The following SMG1 variants were observed in gnomAD, a reference collection of about 807,000 sequenced individuals.
SMG1 encodes the protein SMG1 nonsense mediated mRNA decay associated PI3K related kinase, also known as serine/threonine-protein kinase SMG1.
SMG1 carries 22 observed loss-of-function variants against 419.9 expected under a neutral mutation model. The ratio of observed to expected loss-of-function variants is 0.05; its 90% CI spans 0.04 to 0.07. The LOEUF is 0.07. SMG1 is among the 10% of genes least tolerant of loss of function. The probability of loss-of-function intolerance (pLI) is 1.00; values close to 1 mark genes in which losing one functional copy is unlikely to be tolerated. For synonymous variants in SMG1, 1,538 were observed against 1,553.5 expected (o/e 0.99, Z 0.23); for missense variants, 3,185 against 4,342.0 (o/e 0.73, Z 7.49).
rs2141970039 is a variant in SMG1, at chr16:18,912,025, G to A, written c.92+13925C>T. Among the ~76,000 whole-genome samples the A allele has an allele frequency of 2.7e-5, 4 of 148,742 alleles. No homozygotes were observed. In the Middle Eastern group the frequency reaches 0.011, roughly 393 times the overall value. ...GAACCCGGGAGGTGGAGATTGCAGT[G>A]AGCCAAGATGGTGCCAACTGCACTC... On this transcript the variant is annotated intron_variant, in intron 1 of 62. Transcript: ENST00000446231.
At chr16:18,845,109 T>C (rs556685877) in intron 39 of SMG1, among the ~76,000 whole-genome samples, 1 of 152,286 alleles carries the variant, frequency 6.6e-6, no homozygotes, top group East Asian at 1.9e-4. Context: ...ATGAGGTAAA[T>C]AAAGCAGGCA....
intron 38 of SMG1, among the ~76,000 whole-genome samples, chr16:18,846,069 C>T (rs2034247282): frequency 6.6e-6 from 1 of 152,080 alleles, no homozygotes; most frequent in African/African-American, 2.4e-5. Context: ...CCGCCTCAGC[C>T]TCCCAAAGTG....
At chr16:18,916,312 G>A (rs187036560) in intron 1 of SMG1, among the ~76,000 whole-genome samples, 77 of 151,286 alleles carry the variant, frequency 5.1e-4, no homozygotes, top group Admixed American at 4.6e-3. Flanking sequence ...TCAGGAGATC[G>A]AGACCATCCT....
In SMG1 at chr16:18,833,240, C is replaced by T. The variant is rs1264127601; in HGVS notation, c.8566-74G>A. The T allele has an allele frequency of 2.8e-5, 33 of 1,187,788 alleles. 1 individual carries two copies. In the Admixed American group the frequency reaches 7.3e-4, roughly 26 times the overall value. The allele number at this position is 1,187,788 out of a possible 1,614,324, so 73.6% of individuals were successfully genotyped here. A position where few individuals can be genotyped will look rare whatever the true frequency, so the allele number is the denominator to read the frequency against. On this transcript the variant is annotated intron_variant, in intron 50 of 62. Transcript: ENST00000446231. ...AGTTACACATTTGGAGACTTAGAGC[C>T]ATACATTAAGAGCAAACTTATGTAA...
intron 1 of SMG1, among the ~76,000 whole-genome samples, chr16:18,903,512 T>C (rs915766859): frequency 1.3e-5 from 2 of 152,198 alleles, no homozygotes; most frequent in African/African-American, 4.8e-5. Context: ...ACCTTATAGA[T>C]TTCTGCTTCA....
intron 3 of SMG1, among the ~76,000 whole-genome samples, chr16:18,894,041 G>C (rs1460184509): frequency 6.7e-6 from 1 of 148,648 alleles, no homozygotes; most frequent in Non-Finnish European, 1.5e-5. Flanking sequence ...TGGGTGACAG[G>C]GAGATACTCC....
rs1434064575 is a variant in SMG1, at chr16:18,816,451, T to A, written c.10153A>T (p.Thr3385Ser). The change falls in exon 58 of 63, where the codon ACT becomes TCT. Residue 3385 changes from threonine (T) to serine (S), a missense_variant. This residue lies in a region of SMG1 where 737 missense variants were observed against 846.6 expected (regional missense o/e 0.87). Coordinates refer to ENST00000446231, the MANE Select transcript of SMG1 (RefSeq NM_015092.5). ...AHKQLTQDMSTQRAIQTEKEQ... is the reference protein window; with the variant it reads ...AHKQLTQDMSSQRAIQTEKEQ... ...TTCTCTGTCTGAATTGCCCTCTGAGTAGACATATCCTGGGTCAACTGTTTG... is the reference window on the plus strand; with the variant it reads ...TTCTCTGTCTGAATTGCCCTCTGAGAAGACATATCCTGGGTCAACTGTTTG... The A allele has an allele frequency of 5.0e-6, 8 of 1,613,840 alleles. No individual in the cohort carries two copies. The highest frequency in any genetic ancestry group is 1.3e-5 in the African/African-American group (1 of 74,920).
rs2033075104 is a variant in SMG1, at chr16:18,830,252, T to C, written c.8910A>G (p.Gln2970=). The C allele has an allele frequency of 6.2e-7, 1 of 1,613,988 alleles. No homozygotes were observed. Among genetic ancestry groups the C allele is most frequent in the East Asian group, 2.2e-5 (1 of 44,892 alleles). The change falls in exon 52 of 63, where the codon CAA becomes CAG. Residue 2970 remains glutamine, a synonymous_variant. Coordinates refer to ENST00000446231, the MANE Select transcript of SMG1 (RefSeq NM_015092.5). ...CTAATAAGCTGAAAGCAGTTTCAAC[T>C]TGAGCAAACATGCCATCGAATGCTA... ...LLVAFDGMFA[Q]VETAFSLLVE...
chr16:18,812,213 T>G, intron 60 of SMG1, 86 bp from the exon 61 acceptor site: 4 of 1,257,502 alleles, frequency 3.2e-6, no homozygotes, highest in Non-Finnish European at 2.2e-6. Flanking sequence ...TAGGTGGTAG[T>G]GGTTGATACC....
rs1441818419 is a variant in SMG1, at chr16:18,830,366, T to C, written c.8796A>G (p.Leu2932=). The C allele has an allele frequency of 2.5e-6, 4 of 1,613,788 alleles. No individual in the cohort carries two copies. The Middle Eastern group carries it at 5.0e-4, about 200-fold the overall frequency. ...THAHYIDVAR[L]LHAQYGELIQ... ...TTAATTCACCGTACTGAGCATGTAG[T>C]AGTCTACAGAAAAACAAAAGGAGTT... The change falls in exon 52 of 63, where the codon CTA becomes CTG. Residue 2932 remains leucine, a synonymous_variant. Coordinates refer to ENST00000446231, the MANE Select transcript of SMG1 (RefSeq NM_015092.5).
chr16:18,921,137 CA>C (rs548882021), intron 1 of SMG1, among the ~76,000 whole-genome samples: 8,854 of 77,682 alleles, frequency 0.11, 253 homozygotes, highest in African/African-American at 0.14. Flanking sequence ...AACTCTGTCT[CA>C]AAAAAAAAAA....
At chr16:18,894,664 G>A (rs908451499) in intron 3 of SMG1, among the ~76,000 whole-genome samples, 3 of 118,958 alleles carry the variant, frequency 2.5e-5, no homozygotes, top group East Asian at 2.3e-4. Flanking sequence ...GATACACAAA[G>A]CACACACACA....
chr16:18,872,682 C>T (rs990696440), intron 13 of SMG1, 58 bp from the exon 14 acceptor site: 2 of 1,259,546 alleles, frequency 1.6e-6, no homozygotes, highest in African/African-American at 1.5e-5. Context: ...CACAAGCATA[C>T]AGAGTTTATC....
Position 18,854,564 on chromosome 16 carries a change from GCTATTA to G in SMG1, c.4483+86_4483+91del, listed in dbSNP as rs2034792387. The G allele has an allele frequency of 3.4e-6, 4 of 1,187,938 alleles. No homozygotes were observed. The South Asian group carries it at 4.9e-5, about 14-fold the overall frequency. The allele number at this position is 1,187,938 out of a possible 1,614,324, so 73.6% of individuals were successfully genotyped here. A position where few individuals can be genotyped will look rare whatever the true frequency, so the allele number is the denominator to read the frequency against. On this transcript the variant is annotated intron_variant, in intron 30 of 62. Transcript: ENST00000446231. ...GCAACAGCTGGAAATGATCAACTTT[GCTATTA>G]CTACCTTATACCATACATACACAGT...
In SMG1 at chr16:18,839,873, A is replaced by G; in HGVS notation, c.6770T>C (p.Ile2257Thr). Residue 2257 changes from isoleucine to threonine, a missense_variant, in exon 42 of 63, where the codon ATT becomes ACT. This residue lies in a region of SMG1 where 132 missense variants were observed against 151.0 expected (regional missense o/e 0.87). Coordinates refer to ENST00000446231, the MANE Select transcript of SMG1 (RefSeq NM_015092.5). ...PRPSELYYSK[I>T]GPALKTVGLS... ...CCCAACTGTTTTCAAAGCAGGGCCA[A>G]TTTTACTGTAATAAAGTTCACTAGG... 6.2e-7 allele frequency: 1 copy of G among 1,612,628 alleles called. No homozygotes were observed. Among genetic ancestry groups the G allele is most frequent in the Non-Finnish European group, 8.5e-7 (1 of 1,179,178 alleles).
In SMG1 at chr16:18,832,992, C is replaced by T. The variant is rs375928946; in HGVS notation, c.8740G>A (p.Ala2914Thr). The change falls in exon 51 of 63, where the codon GCA becomes ACA. Residue 2914 changes from alanine (A) to threonine (T), a missense_variant. By Grantham distance (58) the Ala-to-Thr change is moderately conservative. This residue lies in a region of SMG1 where 737 missense variants were observed against 846.6 expected (regional missense o/e 0.87). Coordinates refer to ENST00000446231, the MANE Select transcript of SMG1 (RefSeq NM_015092.5). ...GTTTCTTCTTCCAGTCCCATAGCTG[C>T]GTTTCTTAAGTAGGCCTGAAGAGAT... is the stretch of plus-strand genomic sequence containing the variant. ...VESLQAYLRN[A>T]AMGLEEETHA... 11 of 1,613,906 alleles carry T rather than the reference C, an allele frequency of 6.8e-6. No individual in the cohort carries two copies. The highest frequency in any genetic ancestry group is 9.3e-6 in the Non-Finnish European group (11 of 1,179,888).
chr16:18,811,732 T>C (rs948326818), intron 62 of SMG1, 29 bp downstream of exon 62: 2 of 1,582,658 alleles, frequency 1.3e-6, no homozygotes, highest in Admixed American at 3.3e-5. Context: ...AGCATTAAAA[T>C]GTGTAGCCCA....
At chr16:18,925,294 C>T (rs1375747614) in intron 1 of SMG1, 1 of 152,160 alleles carries the variant, frequency 6.6e-6, no homozygotes, top group African/African-American at 2.4e-5. Flanking sequence ...CCAAAGAGTT[C>T]ACTCAAGTGT....
chr16:18,876,274 T>G lies in SMG1; in HGVS notation c.1740A>C (p.Leu580=), dbSNP rs368594356. 1.2e-6 allele frequency: 2 copies of G among 1,611,618 alleles called. No individual in the cohort carries two copies. The highest frequency in any genetic ancestry group is 2.7e-5 in the African/African-American group (2 of 74,850). Residue 580 remains leucine (L), a synonymous_variant, in exon 13 of 63, where the codon CTA becomes CTC. Coordinates refer to ENST00000446231, the MANE Select transcript of SMG1 (RefSeq NM_015092.5). ...GEMTCALNNL[L]HSLQLPEACS... ...AGGCCTCAGGAAGTTGTAGACTGTG[T>G]AGGAGGTTGTTTAGGGCACAAGTCA...
Sources: allele counts gnomAD v4.1 joint callset (sites outside exome capture counted in the v4.1 genomes callset), GRCh38; gene constraint gnomAD v4.1.1; regional missense constraint gnomAD v4.1.1; transcripts MANE v1.5; gene names NCBI Gene and HGNC (gene_info 2026-07-23, HGNC 2026-07-21).